Variants in NRG3 observed in about 807,000 individuals in gnomAD.
NRG3 encodes the protein neuregulin 3.
Under a neutral mutation model 66.9 loss-of-function variants are expected in NRG3, and 31 were observed. The ratio of observed to expected loss-of-function variants is 0.46; its 90% CI spans 0.35 to 0.63. The LOEUF is 0.63. Ranked by LOEUF, NRG3 falls within the 20% of genes least tolerant of loss-of-function variation. The probability of loss-of-function intolerance (pLI) is 0.00; values close to 1 mark genes in which losing one functional copy is unlikely to be tolerated. For missense variants in NRG3, 910 were observed against 878.9 expected, an observed-to-expected ratio of 1.04 and a Z score of -0.45; for synonymous variants, 393 against 359.4, an observed-to-expected ratio of 1.09 and a Z score of -1.06.
chr10:82,661,615 G>A lies in NRG3; in HGVS notation c.954-76962G>A, dbSNP rs183448110. ...TGTGTGTGTGTGTTTGTGTGTATGCGTGTGTGCGTGTGCACATGCACGCCT... is the reference window on the plus strand; with the variant it reads ...TGTGTGTGTGTGTTTGTGTGTATGCATGTGTGCGTGTGCACATGCACGCCT... On this transcript the variant is annotated intron_variant, in intron 2 of 8. Transcript: ENST00000372141. 2.8e-4 allele frequency among the ~76,000 whole-genome samples: 43 copies of A among 152,242 alleles called. No individual in the cohort carries two copies. In the East Asian group the frequency reaches 5.4e-3, roughly 19 times the overall value.
chr10:82,301,224 A>G (rs1053227095), intron 1 of NRG3, among the ~76,000 whole-genome samples: 1 of 152,150 alleles, frequency 6.6e-6, no homozygotes, highest in Non-Finnish European at 1.5e-5. Flanking sequence ...TGCCCTACCA[A>G]TTTAGCCCTG....
intron 2 of NRG3, among the ~76,000 whole-genome samples, chr10:82,605,520 T>C (rs969607889): frequency 6.6e-6 from 1 of 152,068 alleles, no homozygotes; most frequent in Admixed American, 6.6e-5. Flanking sequence ...TAAGAAATAT[T>C]AGTTCATAGC....
intron 2 of NRG3, among the ~76,000 whole-genome samples, chr10:82,560,211 T>G (rs186391518): frequency 2.5e-4 from 38 of 151,852 alleles, no homozygotes; most frequent in Admixed American, 2.4e-3. Flanking sequence ...TTTTAACTTA[T>G]TTTTTCCAGT....
chr10:82,510,777 G>C (rs1374670452), intron 2 of NRG3, among the ~76,000 whole-genome samples: 9 of 152,094 alleles, frequency 5.9e-5, no homozygotes, highest in Non-Finnish European at 1.3e-4. Context: ...GCCACCAGAA[G>C]CTGCCAGAGG....
At chr10:82,839,308 ACAT>A (rs997054308) in intron 3 of NRG3, among the ~76,000 whole-genome samples, 2 of 152,124 alleles carry the variant, frequency 1.3e-5, no homozygotes, top group Non-Finnish European at 2.9e-5. Context: ...GGTCAGGAAA[ACAT>A]TTTTTAACAA....
chr10:82,244,366 A>T (rs2077139955), intron 1 of NRG3, among the ~76,000 whole-genome samples: 1 of 152,178 alleles, frequency 6.6e-6, no homozygotes, highest in Admixed American at 6.5e-5. Context: ...GAAATCTAGA[A>T]TTTAGAAAGA....
At chr10:82,462,591 A>G (rs1293151752) in intron 2 of NRG3, among the ~76,000 whole-genome samples, 1 of 151,918 alleles carries the variant, frequency 6.6e-6, no homozygotes, top group Non-Finnish European at 1.5e-5. Flanking sequence ...CAGTGAGGAG[A>G]TGGGAGCTGA....
At chr10:82,052,078 T>G (rs1255643706) in intron 1 of NRG3, among the ~76,000 whole-genome samples, 1 of 150,396 alleles carries the variant, frequency 6.6e-6, no homozygotes, top group African/African-American at 2.4e-5. Context: ...TTTCTGGCAA[T>G]GTATGACAGG....
intron 2 of NRG3, among the ~76,000 whole-genome samples, chr10:82,502,318 C>T (rs1367547953): frequency 1.3e-5 from 2 of 151,974 alleles, no homozygotes; most frequent in Non-Finnish European, 2.9e-5. Context: ...AGTATCCTTC[C>T]CTTGCTCTGA....
intron 1 of NRG3, among the ~76,000 whole-genome samples, chr10:82,079,723 C>G (rs988896140): frequency 2.0e-5 from 3 of 152,124 alleles, no homozygotes; most frequent in Admixed American, 6.5e-5. Context: ...TCTACAGTAC[C>G]TAGAGTTTTA....
intron 2 of NRG3, among the ~76,000 whole-genome samples, chr10:82,717,902 C>G (rs762726988): frequency 6.6e-6 from 1 of 151,218 alleles, no homozygotes; most frequent in Non-Finnish European, 1.5e-5. Flanking sequence ...CATTTCCACT[C>G]ACCTGTATGT....
At chr10:82,169,093 T>C (rs915935749) in intron 1 of NRG3, among the ~76,000 whole-genome samples, 2 of 152,138 alleles carry the variant, frequency 1.3e-5, no homozygotes, top group African/African-American at 4.8e-5. Context: ...TACTCACATA[T>C]CTGCAAACAT....
chr10:81,947,784 G>A (rs1039671373), intron 1 of NRG3, among the ~76,000 whole-genome samples: 2 of 151,872 alleles, frequency 1.3e-5, no homozygotes, highest in East Asian at 1.9e-4. Context: ...AAGTGCCGTC[G>A]GGGACTTCAG....
intron 2 of NRG3, among the ~76,000 whole-genome samples, chr10:82,503,770 A>T (rs1046614924): frequency 6.6e-6 from 1 of 152,184 alleles, no homozygotes; most frequent in African/African-American, 2.4e-5. Context: ...AATATCCCAA[A>T]TTCCAGGGTT....
chr10:82,845,063 G>C (rs899908456), intron 3 of NRG3, among the ~76,000 whole-genome samples: 1 of 152,162 alleles, frequency 6.6e-6, no homozygotes, highest in Non-Finnish European at 1.5e-5. Flanking sequence ...GCTGAGGCAG[G>C]AGGAACTCTT....
intron 2 of NRG3, among the ~76,000 whole-genome samples, chr10:82,366,701 G>A (rs1424268456): frequency 6.6e-6 from 1 of 151,688 alleles, no homozygotes; most frequent in East Asian, 1.9e-4. Context: ...TTGCAGAAAA[G>A]AAAAATACAC....
intron 1 of NRG3, among the ~76,000 whole-genome samples, chr10:82,233,708 C>T (rs987059095): frequency 6.6e-6 from 1 of 152,118 alleles, no homozygotes; most frequent in Non-Finnish European, 1.5e-5. Context: ...CTCAGTCTTC[C>T]CTTTCAAGAT....
chr10:82,081,690 A>G (rs769968204), intron 1 of NRG3, among the ~76,000 whole-genome samples: 1 of 152,204 alleles, frequency 6.6e-6, no homozygotes, highest in Non-Finnish European at 1.5e-5. Context: ...TGCTTTATAC[A>G]ATCTACCAGT....
chr10:82,560,487 A>T (rs930041240), intron 2 of NRG3, among the ~76,000 whole-genome samples: 13 of 151,002 alleles, frequency 8.6e-5, no homozygotes, highest in South Asian at 2.1e-4. Context: ...TATATTTTGG[A>T]TAAGTATCAT....
Sources: allele counts gnomAD v4.1 joint callset (sites outside exome capture counted in the v4.1 genomes callset), GRCh38; gene constraint gnomAD v4.1.1; transcripts MANE v1.5; gene names NCBI Gene and HGNC (gene_info 2026-07-23, HGNC 2026-07-21).